PRRC2B: variants seen among roughly 807,000 people sequenced by gnomAD.
The protein encoded by PRRC2B is proline rich coiled-coil 2B.
PRRC2B carries 68 observed loss-of-function variants against 242.3 expected under a neutral mutation model. That is an observed-to-expected ratio of 0.28 (90% CI 0.23 to 0.34). PRRC2B has a LOEUF of 0.34. Among genes scored for constraint, PRRC2B ranks in the 10% least tolerant of loss-of-function variants. PRRC2B has a pLI of 1.00. For synonymous variants in PRRC2B, 1,228 were observed against 1,173.6 expected (o/e 1.05, Z -0.95); for missense variants, 2,835 against 2,954.8 (o/e 0.96, Z 0.94).
chr9:131,481,673 T>C (rs1943873214), intron 19 of PRRC2B, 53 bp from the exon 20 acceptor site: 8 of 1,403,122 alleles, frequency 5.7e-6, no homozygotes, highest in Non-Finnish European at 7.9e-6. Flanking sequence ...GCTCATAAAC[T>C]CTCTAGACGG....
chr9:131,407,699 A>C (rs551314433), intron 1 of PRRC2B, among the ~76,000 whole-genome samples: 19 of 152,226 alleles, frequency 1.2e-4, no homozygotes, highest in African/African-American at 4.6e-4. Flanking sequence ...ATTTATTTTC[A>C]TCAAAGAGAA....
upstream of PRRC2B, chr9:131,394,076 A>G: frequency 6.7e-6 from 1 of 148,792 alleles, no homozygotes; most frequent in Non-Finnish European, 1.5e-5. Flanking sequence ...AGCGCGAGGG[A>G]GCGAGCGGCG....
At chr9:131,425,788 C>T (rs1837960523) in intron 1 of PRRC2B, among the ~76,000 whole-genome samples, 1 of 151,530 alleles carries the variant, frequency 6.6e-6, no homozygotes. Flanking sequence ...ATGCCTGGCC[C>T]CCGAGGACTT....
chr9:131,387,296 C>T (rs1044605205), intron 1 of PRRC2B, among the ~76,000 whole-genome samples: 2 of 150,140 alleles, frequency 1.3e-5, no homozygotes, highest in African/African-American at 4.8e-5. Context: ...CCACCGCGCC[C>T]GGCCACCTGT....
chr9:131,474,825 T>C lies in PRRC2B; in HGVS notation c.2696T>C (p.Ile899Thr). 1 of 1,611,772 alleles carries C rather than the reference T, an allele frequency of 6.2e-7. No individual in the cohort carries two copies. Residue 899 changes from isoleucine to threonine, a missense_variant, in exon 16 of 32, where the codon ATC becomes ACC. Physicochemically the swap from Ile to Thr is moderately conservative, Grantham distance 89. Transcript: ENST00000683519. ...CCCCGGGAGGGGACGGCCTTTAACA[T>C]CTCCTCCTGGGACAAGAACGGGAGC... Reference protein sequence around the residue: ...ETPREGTAFNISSWDKNGSPN... With the variant: ...ETPREGTAFNTSSWDKNGSPN...
chr9:131,492,174 T>G lies in PRRC2B; in HGVS notation c.6387T>G (p.Ser2129=). The G allele has an allele frequency of 6.2e-7, 1 of 1,613,626 alleles. No individual in the cohort carries two copies. The highest frequency in any genetic ancestry group is 8.5e-7 in the Non-Finnish European group (1 of 1,179,666). Residue 2129 remains serine, a synonymous_variant, in exon 30 of 32, where the codon TCT becomes TCG. Coordinates refer to ENST00000683519, the MANE Select transcript of PRRC2B (RefSeq NM_013318.4). ...TTCCTGCTTGGTCTCTCTAGCCCTC[T>G]CAGATGGAGATGAAAGGCTTCCACT... ...PPVLNTSREP[S]QMEMKGFHFA...
chr9:131,385,597 T>C (rs1836815504), intron 1 of PRRC2B, among the ~76,000 whole-genome samples: 1 of 150,714 alleles, frequency 6.6e-6, no homozygotes, highest in Non-Finnish European at 1.5e-5. Flanking sequence ...AATTTCCTTA[T>C]CCGTAAAGTG....
chr9:131,483,381 C>G lies in PRRC2B; in HGVS notation c.5396C>G (p.Pro1799Arg), dbSNP rs777364374. The G allele has an allele frequency of 1.2e-6, 2 of 1,613,966 alleles. No homozygotes were observed. Among genetic ancestry groups the G allele is most frequent in the Non-Finnish European group, 1.7e-6 (2 of 1,179,878 alleles). ...CAGGACTCCGATTTCAGCTTGCCAC[C>G]TGGTTCTGCCTCTGGTCCTACTGGG... Reference protein sequence around the residue: ...SPKDSDFSLPPGSASGPTGSP... With the variant: ...SPKDSDFSLPRGSASGPTGSP... The change falls in exon 23 of 32, where the codon CCT becomes CGT. Residue 1799 changes from proline (P) to arginine (R), a missense_variant. By Grantham distance (103) the Pro-to-Arg change is moderately radical. This residue lies in a region of PRRC2B where 574 missense variants were observed against 626.0 expected (regional missense o/e 0.92). Coordinates refer to ENST00000683519, the MANE Select transcript of PRRC2B (RefSeq NM_013318.4).
intron 2 of PRRC2B, among the ~76,000 whole-genome samples, chr9:131,430,510 TATAGATAGATAG>T (rs57445338): frequency 6.9e-6 from 1 of 145,430 alleles, no homozygotes. Context: ...TATAGATATC[TATAGATAGATAG>T]ATAGATATCT....
rs1213352249 is a variant in PRRC2B, at chr9:131,386,651, T to C, written c.-56+12920T>C. On this transcript the variant is annotated intron_variant, in intron 1 of 1. Transcript: ENST00000682525. ...ACCCTATGAGTCCCAGGGTCCCTTC[T>C]GTTGTAGCCAATGAGGTCAAGGGCC... is the stretch of plus-strand genomic sequence containing the variant. Among the ~76,000 whole-genome samples the C allele has an allele frequency of 2.0e-5, 3 of 150,172 alleles. 1 individual carries two copies. The highest frequency in any genetic ancestry group is 4.4e-5 in the Non-Finnish European group (3 of 67,634).
intron 14 of PRRC2B, among the ~76,000 whole-genome samples, chr9:131,471,976 G>A (rs981532722): frequency 1.3e-5 from 2 of 152,110 alleles, no homozygotes; most frequent in African/African-American, 4.8e-5. Flanking sequence ...ATCTTCTTTG[G>A]GAGCCTGTCA....
intron 10 of PRRC2B, among the ~76,000 whole-genome samples, chr9:131,457,863 T>G (rs2966363): frequency 0.97 from 147,303 of 152,198 alleles, 71,457 homozygotes; most frequent in East Asian, 1. Context: ...CTCTGTAATT[T>G]TCCCCTCTGT....
At chr9:131,476,637 G>C (rs2131449796) in intron 16 of PRRC2B, 102 bp downstream of exon 16, 3 of 1,095,784 alleles carry the variant, frequency 2.7e-6, no homozygotes, top group South Asian at 1.7e-5. Context: ...TCGGGGCTGG[G>C]GGCCTGCCCC....
chr9:131,439,887 C>T (rs1359547660), intron 5 of PRRC2B, among the ~76,000 whole-genome samples: 6 of 133,006 alleles, frequency 4.5e-5, no homozygotes, highest in Non-Finnish European at 6.3e-5. Flanking sequence ...GTGTGTACCA[C>T]GACATCTGGC....
upstream of PRRC2B, among the ~76,000 whole-genome samples, chr9:131,389,407 T>C (rs1290029640): frequency 6.6e-6 from 1 of 150,534 alleles, no homozygotes; most frequent in Non-Finnish European, 1.5e-5. Flanking sequence ...TCCGCCCACC[T>C]TGGCCTCCCA....
Position 131,482,174 on chromosome 9 carries a change from C to T in PRRC2B, c.4984-197C>T, listed in dbSNP as rs576957892. On this transcript the variant is annotated intron_variant, in intron 20 of 31. Coordinates refer to ENST00000683519, the MANE Select transcript of PRRC2B (RefSeq NM_013318.4). This position sits in a 1 kb window ranked among gnomAD's most constrained non-coding sequence, Gnocchi z 5.2. Reference sequence around the variant, plus strand: ...GGGCCCATAGAAGATCCTGTGGTCACGAGCTCTATCGGGGTTGGTGTGTTT... The same window carrying T: ...GGGCCCATAGAAGATCCTGTGGTCATGAGCTCTATCGGGGTTGGTGTGTTT... Among the ~76,000 whole-genome samples the T allele has an allele frequency of 6.6e-6, 1 of 152,314 alleles. No individual in the cohort carries two copies. Among genetic ancestry groups the T allele is most frequent in the East Asian group, 1.9e-4 (1 of 5,186 alleles).
Position 131,475,832 on chromosome 9 carries a change from T to C in PRRC2B, c.3703T>C (p.Ser1235Pro). 6.2e-7 allele frequency: 1 copy of C among 1,612,894 alleles called. No homozygotes were observed. Among genetic ancestry groups the C allele is most frequent in the Non-Finnish European group, 8.5e-7 (1 of 1,179,022 alleles). The change falls in exon 16 of 32, where the codon TCT becomes CCT. Residue 1235 changes from serine (S) to proline (P), a missense_variant. Transcript: ENST00000683519. ...CTGGCAGAGCAAAAGTCCAGGCAGC[T>C]CTTGGCAGGAATATGGCCCTTCCGA... ...PHWQSKSPGS[S>P]WQEYGPSDTC...
In PRRC2B at chr9:131,485,004, T is replaced by G. The variant is rs1943978258; in HGVS notation, c.5622T>G (p.Ser1874=). 1.9e-6 allele frequency: 3 copies of G among 1,613,346 alleles called. No homozygotes were observed. The South Asian group carries it at 3.3e-5, about 18-fold the overall frequency. Residue 1874 remains serine (S), a synonymous_variant, in exon 25 of 32, where the codon TCT becomes TCG. Coordinates refer to ENST00000683519, the MANE Select transcript of PRRC2B (RefSeq NM_013318.4). ...CCCCCAGTTTGCCGGAGCAGAGCTC[T>G]CCAGGCGGCGCTGGCTCAGGCATCC... ...ENSPSLPEQS[S]PGGAGSGIQP...
intron 1 of PRRC2B, among the ~76,000 whole-genome samples, chr9:131,413,799 G>C (rs926231002): frequency 3.9e-5 from 6 of 152,160 alleles, no homozygotes; most frequent in African/African-American, 1.4e-4. Flanking sequence ...AGCCTCCCGA[G>C]TACCTGGGAC....
Sources: gnomAD v4.1 joint callset for allele counts (sites outside exome capture counted in the v4.1 genomes callset) on GRCh38, gnomAD v4.1.1 for gene constraint, gnomAD v4.1.1 regional missense constraint, Gnocchi (gnomAD v3.1) non-coding constraint, MANE v1.5 for transcripts, NCBI Gene and HGNC (gene_info 2026-07-23, HGNC 2026-07-21) for gene names.